ZMAT3: variants seen among roughly 807,000 people sequenced by gnomAD.
ZMAT3 encodes zinc finger matrin-type protein 3.
In ZMAT3, 17 loss-of-function variants were observed where a neutral mutation model predicts 32.3. The observed-to-expected ratio is 0.53, with a 90% CI of 0.36 to 0.79. ZMAT3 has a LOEUF of 0.79. ZMAT3 is among the 30% of genes least tolerant of loss of function. The probability of loss-of-function intolerance (pLI) is 0.00; values close to 1 mark genes in which losing one functional copy is unlikely to be tolerated. For missense variants in ZMAT3, 329 were observed against 359.7 expected, an observed-to-expected ratio of 0.91 and a Z score of 0.69; for synonymous variants, 120 against 133.1, an observed-to-expected ratio of 0.90 and a Z score of 0.68.
chr3:179,050,047 T>C (rs1025560889), intron 2 of ZMAT3, among the ~76,000 whole-genome samples: 2 of 73,226 alleles, frequency 2.7e-5, no homozygotes, highest in East Asian at 7.5e-4. Flanking sequence ...AAATAGACAA[T>C]GTAAGGTCAC....
At chr3:179,058,381 A>G (rs976674638) in intron 2 of ZMAT3, among the ~76,000 whole-genome samples, 4 of 152,238 alleles carry the variant, frequency 2.6e-5, no homozygotes, top group Non-Finnish European at 5.9e-5. Context: ...GCTCAAACCT[A>G]TGCCACTCGA....
chr3:179,051,268 C>T (rs575359752), intron 2 of ZMAT3, among the ~76,000 whole-genome samples: 1 of 152,270 alleles, frequency 6.6e-6, no homozygotes, highest in Admixed American at 6.5e-5. Flanking sequence ...GCTTCTGGTA[C>T]TGGTAAATGA....
At chr3:179,047,477 C>T (rs746567421) in intron 2 of ZMAT3, among the ~76,000 whole-genome samples, 20 of 152,234 alleles carry the variant, frequency 1.3e-4, no homozygotes, top group Non-Finnish European at 2.1e-4. Context: ...ATCACCTTAG[C>T]TCACCAGCAG....
At chr3:179,044,990 T>C (rs947244537) in intron 2 of ZMAT3, among the ~76,000 whole-genome samples, 4 of 151,822 alleles carry the variant, frequency 2.6e-5, no homozygotes, top group Non-Finnish European at 4.4e-5. Flanking sequence ...GTATCAAACC[T>C]GCGCATTGTG....
intron 2 of ZMAT3, among the ~76,000 whole-genome samples, chr3:179,048,021 T>A (rs1378604609): frequency 6.6e-6 from 1 of 152,124 alleles, no homozygotes; most frequent in Admixed American, 6.5e-5. Context: ...CAAAATGCAC[T>A]GAAAAGTCTC....
intron 2 of ZMAT3, among the ~76,000 whole-genome samples, chr3:179,049,991 C>CAAAA (rs34239014): frequency 0.04 from 327 of 8,144 alleles, 130 homozygotes; most frequent in East Asian, 0.13. Flanking sequence ...GACTCCGTCT[C>CAAAA]AAAAAAAAAA....
In ZMAT3 at chr3:179,021,528, G is replaced by A. The variant is rs546284880; in HGVS notation, c.*3489C>T. On this transcript the variant is annotated 3_prime_UTR_variant, in exon 6 of 6. Transcript: ENST00000311417. ...CTATGAGTTCCTATGGATGATTACCGAAATCTAAGTATTTTTTTTTCTAAT... is the reference window on the plus strand; with the variant it reads ...CTATGAGTTCCTATGGATGATTACCAAAATCTAAGTATTTTTTTTTCTAAT... The A allele has an allele frequency of 3.9e-5, 6 of 152,026 alleles. No homozygotes were observed. Among genetic ancestry groups the A allele is most frequent in the East Asian group, 1.9e-4 (1 of 5,182 alleles). The allele number at this position is 152,026 out of a possible 1,614,324, so 9.4% of individuals were successfully genotyped here.
intron 2 of ZMAT3, among the ~76,000 whole-genome samples, chr3:179,049,184 C>T (rs1310194068): frequency 6.6e-6 from 1 of 152,176 alleles, no homozygotes; most frequent in Non-Finnish European, 1.5e-5. Context: ...ACAATTACTA[C>T]TAGACCTAAC....
intron 3 of ZMAT3, among the ~76,000 whole-genome samples, chr3:179,028,971 C>T (rs1719033659): frequency 1.3e-5 from 2 of 152,070 alleles, no homozygotes; most frequent in South Asian, 2.1e-4. Context: ...ACCAGCCTGG[C>T]CAACATGACA....
At chr3:179,041,163 G>C (rs1187296826) in intron 2 of ZMAT3, among the ~76,000 whole-genome samples, 1 of 152,092 alleles carries the variant, frequency 6.6e-6, no homozygotes, top group Non-Finnish European at 1.5e-5. Flanking sequence ...GTCAATATTA[G>C]ACAGATTAAT....
chr3:179,056,197 A>G (rs1056645909), intron 2 of ZMAT3, among the ~76,000 whole-genome samples: 1 of 152,196 alleles, frequency 6.6e-6, no homozygotes, highest in African/African-American at 2.4e-5. Flanking sequence ...AGCTGCAGAC[A>G]TTAGAAAAAA....
In ZMAT3 at chr3:179,046,448, T is replaced by C. The variant is rs557627212; in HGVS notation, c.271-15449A>G. ...GAGCAGTGTGTGGAGACCCATATCA[T>C]GAAATTTTGCTCCAAGAACTACAGC... On this transcript the variant is annotated intron_variant, in intron 2 of 5. Transcript: ENST00000311417. This position sits in a 1 kb window ranked among gnomAD's most constrained non-coding sequence, Gnocchi z 4.3. Among the ~76,000 whole-genome samples the C allele has an allele frequency of 6.6e-6, 1 of 152,304 alleles. No individual in the cohort carries two copies. Among genetic ancestry groups the C allele is most frequent in the South Asian group, 2.1e-4 (1 of 4,818 alleles).
Position 179,019,415 on chromosome 3 carries a change from A to G in ZMAT3, c.*5602T>C, listed in dbSNP as rs1394135506. On this transcript the variant is annotated 3_prime_UTR_variant, in exon 6 of 6. Coordinates refer to ENST00000311417, the MANE Select transcript of ZMAT3 (RefSeq NM_022470.4). ...TAGGGCAGTGTATTGCCTAAAATTT[A>G]CTTTGGAATGTTCTTTAAAAAAAAA... is the stretch of plus-strand genomic sequence containing the variant. 2 of 152,176 alleles carry G rather than the reference A, an allele frequency of 1.3e-5. No homozygotes were observed. The highest frequency in any genetic ancestry group is 1.3e-4 in the Admixed American group (2 of 15,268). 9.4% of individuals were successfully genotyped at this position (152,176 alleles called of 1,614,324 possible).
At chr3:179,062,824 A>G (rs1191055235) in intron 2 of ZMAT3, among the ~76,000 whole-genome samples, 2 of 152,210 alleles carry the variant, frequency 1.3e-5, no homozygotes, top group Admixed American at 1.3e-4. Flanking sequence ...ACAATCAAGG[A>G]AAACAAAGTT....
At chr3:179,039,631 G>C (rs1208490345) in intron 2 of ZMAT3, among the ~76,000 whole-genome samples, 3 of 152,190 alleles carry the variant, frequency 2.0e-5, no homozygotes, top group Non-Finnish European at 2.9e-5. Context: ...GGAGAAACCA[G>C]AGCAGAAAAG....
At chr3:179,039,288 C>A (rs1341620315) in intron 2 of ZMAT3, among the ~76,000 whole-genome samples, 1 of 152,228 alleles carries the variant, frequency 6.6e-6, no homozygotes, top group Non-Finnish European at 1.5e-5. Flanking sequence ...TGTAGCCTAA[C>A]TGGGAGACAC....
intron 2 of ZMAT3, among the ~76,000 whole-genome samples, chr3:179,063,299 T>A (rs1449385710): frequency 6.6e-6 from 1 of 152,226 alleles, no homozygotes; most frequent in Non-Finnish European, 1.5e-5. Context: ...AAAATGTAAG[T>A]GCCAAAATCA....
At chr3:179,064,764 T>C (rs1006300327) in intron 2 of ZMAT3, among the ~76,000 whole-genome samples, 17 of 152,172 alleles carry the variant, frequency 1.1e-4, no homozygotes, top group Admixed American at 5.9e-4. Flanking sequence ...ATCTTTCTTT[T>C]ATTACTGCTT....
Position 179,067,813 on chromosome 3 carries a change from A to G in ZMAT3, c.-57-4T>C. The G allele has an allele frequency of 6.4e-7, 1 of 1,564,070 alleles. No individual in the cohort carries two copies. The highest frequency in any genetic ancestry group is 8.6e-7 in the Non-Finnish European group (1 of 1,158,288). ...ATGAGAAGCAAGGTCTTCAAATCTG[A>G]ATCAACAGCAAAAAAACAGAAAAAA... On this transcript the variant is annotated splice_region_variant and splice_polypyrimidine_tract_variant and intron_variant, in intron 1 of 5. Transcript: ENST00000311417.
Sources: gnomAD v4.1 joint callset for allele counts (sites outside exome capture counted in the v4.1 genomes callset) on GRCh38, gnomAD v4.1.1 for gene constraint, Gnocchi (gnomAD v3.1) non-coding constraint, MANE v1.5 for transcripts, NCBI Gene and HGNC (gene_info 2026-07-23, HGNC 2026-07-21) for gene names.